The following NFASC variants were observed in gnomAD, a reference collection of about 807,000 sequenced individuals.
NFASC encodes the protein neurofascin, also known as neurofascin homolog.
A neutral mutation model predicts 147.5 loss-of-function variants in NFASC; 43 were observed. That is an observed-to-expected ratio of 0.29 (90% CI 0.23 to 0.38). NFASC has a LOEUF of 0.38. NFASC is among the 10% of genes least tolerant of loss of function. The probability of loss-of-function intolerance (pLI) is 1.00; values close to 1 mark genes in which losing one functional copy is unlikely to be tolerated. For synonymous variants in NFASC, 622 were observed against 665.5 expected (o/e 0.93, Z 1.01); for missense variants, 1,320 against 1,689.0 (o/e 0.78, Z 3.83).
chr1:204,922,393 C>T (rs551490312), intron 2 of NFASC, among the ~76,000 whole-genome samples: 3 of 152,156 alleles, frequency 2.0e-5, no homozygotes, highest in African/African-American at 7.2e-5. Context: ...AGAATAGATT[C>T]GTTCTGGCTC....
chr1:204,948,545 G>C (rs1025390774), intron 3 of NFASC: 2 of 516,554 alleles, frequency 3.9e-6, no homozygotes, highest in Non-Finnish European at 7.7e-6. Flanking sequence ...GCCCCAGCTG[G>C]CTCGCTCACC....
At chr1:204,872,185 A>G (rs987717676) in intron 1 of NFASC, among the ~76,000 whole-genome samples, 14 of 152,338 alleles carry the variant, frequency 9.2e-5, no homozygotes, top group African/African-American at 3.4e-4. Context: ...ACCTCACCCC[A>G]GGACAGAGTG....
intron 1 of NFASC, among the ~76,000 whole-genome samples, chr1:204,877,576 G>T (rs1238012391): frequency 6.6e-6 from 1 of 152,090 alleles, no homozygotes; most frequent in Non-Finnish European, 1.5e-5. Flanking sequence ...TCCCATCATG[G>T]CCTGGAACTC....
intron 25 of NFASC, chr1:205,000,562 G>A: frequency 6.5e-6 from 1 of 154,738 alleles, no homozygotes; most frequent in Non-Finnish European, 1.4e-5. Flanking sequence ...TGGCCACACG[G>A]CCTTTTTCCT....
At chr1:204,853,684 C>T (rs1558500993) in intron 1 of NFASC, among the ~76,000 whole-genome samples, 1 of 152,190 alleles carries the variant, frequency 6.6e-6, no homozygotes, top group Non-Finnish European at 1.5e-5. Flanking sequence ...CCCATACCAG[C>T]CCCCTATATT....
intron 1 of NFASC, among the ~76,000 whole-genome samples, chr1:204,885,231 A>G (rs2081084558): frequency 6.6e-6 from 1 of 152,164 alleles, no homozygotes; most frequent in South Asian, 2.1e-4. Flanking sequence ...CACTTTTAGT[A>G]TCTCCTCTCA....
At chr1:204,982,758 G>A (rs1245958431) in intron 21 of NFASC, among the ~76,000 whole-genome samples, 1 of 152,262 alleles carries the variant, frequency 6.6e-6, no homozygotes, top group Non-Finnish European at 1.5e-5. Flanking sequence ...CCTCCTGGTT[G>A]AGGGCCTTTG....
intron 24 of NFASC, among the ~76,000 whole-genome samples, chr1:204,995,061 A>G (rs777627668): frequency 6.6e-6 from 1 of 152,166 alleles, no homozygotes; most frequent in Non-Finnish European, 1.5e-5. Context: ...TCGAGGCTAC[A>G]GTAAGCCATG....
chr1:204,937,385 A>T (rs72757751), intron 2 of NFASC, among the ~76,000 whole-genome samples: 1 of 152,104 alleles, frequency 6.6e-6, no homozygotes, highest in South Asian at 2.1e-4. Flanking sequence ...TTATATAATG[A>T]CAAGTATCTA....
intron 1 of NFASC, among the ~76,000 whole-genome samples, chr1:204,853,349 T>C (rs900782677): frequency 6.6e-6 from 1 of 152,224 alleles, no homozygotes; most frequent in Non-Finnish European, 1.5e-5. Context: ...TTAGCTCATA[T>C]TTTTGTATGT....
chr1:204,975,313 G>A lies in NFASC; in HGVS notation c.1601G>A (p.Arg534Lys), dbSNP rs56223230. ...IYRMPEDQVA[R>K]RGTTVQLECR... The stretch of plus-strand genomic sequence containing the variant: ...CGGATGCCCGAGGACCAGGTGGCCA[G>A]AAGGGGCACCACGGTGCAGCTGGAG... The change falls in exon 15 of 30, where the codon AGA (arginine) becomes AAA (lysine). Residue 534 changes from arginine to lysine, a missense_variant. This residue lies in a region of NFASC where 981 missense variants were observed against 1,289.5 expected (regional missense o/e 0.76). Transcript: ENST00000339876. This position sits in a 1 kb window ranked among gnomAD's most constrained non-coding sequence, Gnocchi z 4.0. The A allele has an allele frequency of 6.0e-3, 9,643 of 1,614,026 alleles. 51 individuals carry two copies. Among genetic ancestry groups the A allele is most frequent in the East Asian group, 0.011 (497 of 44,868 alleles).
At chr1:204,870,570 C>T (rs2077524433) in intron 1 of NFASC, 3 of 708,402 alleles carry the variant, frequency 4.2e-6, no homozygotes, top group Non-Finnish European at 3.5e-6. Context: ...GGAGCCTGGC[C>T]CGGCCTGGTA....
In NFASC at chr1:204,957,670, A is replaced by G. The variant is rs1335129774; in HGVS notation, c.550A>G (p.Thr184Ala). The change falls in exon 8 of 30, where the codon ACC (threonine) becomes GCC (alanine). Residue 184 changes from threonine (T) to alanine (A), a missense_variant. Thr to Ala is a moderately conservative substitution (Grantham distance 58). Around this residue, in one of 3 missense-constraint regions of NFASC, gnomAD observed 981 missense variants for 1,289.5 expected, o/e 0.76. Coordinates refer to ENST00000339876, the MANE Select transcript of NFASC (RefSeq NM_001005388.3). ...FWMSSSMEPI[T>A]QDKRVSQGHN... ...CTTTCTTATAGCCATGGAGCCCATC[A>G]CCCAAGACAAACGTGTCTCTCAGGG... 2 of 1,614,068 alleles carry G rather than the reference A, an allele frequency of 1.2e-6. No individual in the cohort carries two copies. Among genetic ancestry groups the G allele is most frequent in the South Asian group, 1.1e-5 (1 of 91,078 alleles).
intron 1 of NFASC, among the ~76,000 whole-genome samples, chr1:204,867,856 A>G (rs2077241641): frequency 6.6e-6 from 1 of 152,110 alleles, no homozygotes; most frequent in Non-Finnish European, 1.5e-5. Context: ...GCCTGGTGGC[A>G]CCTCACACCC....
chr1:205,004,849 G>C (rs1158063126), intron 27 of NFASC, among the ~76,000 whole-genome samples: 1 of 152,220 alleles, frequency 6.6e-6, no homozygotes, highest in Non-Finnish European at 1.5e-5. Context: ...AAGGCTGACA[G>C]CCTCTCTGAC....
chr1:204,962,707 C>T (rs1335404041), intron 8 of NFASC, among the ~76,000 whole-genome samples: 1 of 152,118 alleles, frequency 6.6e-6, no homozygotes, highest in African/African-American at 2.4e-5. Context: ...AGTAAGAGTC[C>T]AGCTCTGAGT....
chr1:204,881,442 T>G (rs2080205672), intron 1 of NFASC, among the ~76,000 whole-genome samples: 1 of 152,214 alleles, frequency 6.6e-6, no homozygotes, highest in Non-Finnish European at 1.5e-5. Flanking sequence ...AAATAGAGCC[T>G]GCTAGGCTAA....
At chr1:204,984,286 G>T in intron 21 of NFASC, 1 of 594,390 alleles carries the variant, frequency 1.7e-6, no homozygotes, top group Non-Finnish European at 3.0e-6. Flanking sequence ...TAATGTCTAG[G>T]GTTAGATGTT....
intron 1 of NFASC, among the ~76,000 whole-genome samples, chr1:204,886,779 G>T (rs915131202): frequency 3.3e-5 from 5 of 152,154 alleles, no homozygotes; most frequent in African/African-American, 1.2e-4. Context: ...GGAGCCCAGG[G>T]ATTCTGTATG....
Sources: gnomAD v4.1 joint callset for allele counts (sites outside exome capture counted in the v4.1 genomes callset) on GRCh38, gnomAD v4.1.1 for gene constraint, gnomAD v4.1.1 regional missense constraint, Gnocchi (gnomAD v3.1) non-coding constraint, MANE v1.5 for transcripts, NCBI Gene and HGNC (gene_info 2026-07-23, HGNC 2026-07-21) for gene names.